NKAIN3: variants seen among roughly 807,000 people sequenced by gnomAD.
NKAIN3 encodes sodium/potassium-transporting ATPase subunit beta-1-interacting protein 3.
A neutral mutation model predicts 30.2 loss-of-function variants in NKAIN3; 25 were observed. The ratio of observed to expected loss-of-function variants is 0.83; its 90% CI spans 0.60 to 1.16. NKAIN3 has a LOEUF of 1.16. Ranked by LOEUF, NKAIN3 falls within the 50% of genes most tolerant of loss-of-function variation. The probability of loss-of-function intolerance (pLI) is 0.00; values close to 1 mark genes in which losing one functional copy is unlikely to be tolerated. For missense variants in NKAIN3, 225 were observed against 254.1 expected (o/e 0.89, Z 0.78); for synonymous variants, 91 against 89.6 (o/e 1.02, Z -0.09).
At chr8:62,799,385 G>A (rs1817980130) in intron 4 of NKAIN3, among the ~76,000 whole-genome samples, 1 of 151,948 alleles carries the variant, frequency 6.6e-6, no homozygotes, top group African/African-American at 2.4e-5. Flanking sequence ...GTAGGCTAAG[G>A]GCATGAATAG....
At chr8:62,310,978 A>T (rs1814408547) in intron 1 of NKAIN3, among the ~76,000 whole-genome samples, 1 of 150,540 alleles carries the variant, frequency 6.6e-6, no homozygotes, top group Non-Finnish European at 1.5e-5. Flanking sequence ...TGAGTCAGGA[A>T]CAAATAGTGC....
At chr8:62,829,818 T>C (rs1014306389) in intron 4 of NKAIN3, among the ~76,000 whole-genome samples, 2 of 152,290 alleles carry the variant, frequency 1.3e-5, no homozygotes, top group Middle Eastern at 3.4e-3. Flanking sequence ...TTTCTTTCTT[T>C]ATGTAAATAC....
intron 3 of NKAIN3, among the ~76,000 whole-genome samples, chr8:62,696,454 G>A (rs544458298): frequency 1.6e-4 from 24 of 152,228 alleles, no homozygotes; most frequent in African/African-American, 5.5e-4. Context: ...CTAATGAGAA[G>A]AGAATAATAC....
At chr8:62,989,163 T>C (rs1375496816), downstream of NKAIN3, among the ~76,000 whole-genome samples, 1 of 152,232 alleles carries the variant, frequency 6.6e-6, no homozygotes, top group Non-Finnish European at 1.5e-5. Context: ...CTTTCTCACA[T>C]CTTCCTTTCT....
chr8:62,755,732 T>G (rs7839173), intron 4 of NKAIN3, among the ~76,000 whole-genome samples: 85,040 of 151,922 alleles, frequency 0.56, 25,149 homozygotes, highest in Non-Finnish European at 0.67. Flanking sequence ...TATTAAAGAT[T>G]TAGACTGACT....
intron 1 of NKAIN3, among the ~76,000 whole-genome samples, chr8:62,417,340 T>C (rs1804479998): frequency 6.6e-6 from 1 of 152,218 alleles, no homozygotes; most frequent in African/African-American, 2.4e-5. Flanking sequence ...CTCCATTGTG[T>C]ATAAGTACCA....
At chr8:62,648,170 C>T (rs1451574039) in intron 3 of NKAIN3, among the ~76,000 whole-genome samples, 1 of 152,118 alleles carries the variant, frequency 6.6e-6, no homozygotes, top group Non-Finnish European at 1.5e-5. Flanking sequence ...GTTGGCAATA[C>T]TTGTGAGCCG....
At chr8:62,254,070 G>T (rs1812191588) in intron 1 of NKAIN3, among the ~76,000 whole-genome samples, 1 of 152,030 alleles carries the variant, frequency 6.6e-6, no homozygotes, top group Admixed American at 6.6e-5. Context: ...GTTATACTGT[G>T]ACTGGTATTG....
chr8:62,476,385 A>C (rs952527949), intron 1 of NKAIN3, among the ~76,000 whole-genome samples: 12 of 150,394 alleles, frequency 8.0e-5, no homozygotes, highest in Admixed American at 6.6e-5. Context: ...AGAATTGTAG[A>C]CCCGTGCACA....
intron 4 of NKAIN3, chr8:62,863,330 C>T (rs1820313034): frequency 1.3e-6 from 2 of 1,548,704 alleles, no homozygotes; most frequent in Non-Finnish European, 1.8e-6. Context: ...GGAATACCTG[C>T]TTTCTGCCCC....
intron 1 of NKAIN3, among the ~76,000 whole-genome samples, chr8:62,363,710 A>C (rs1816635370): frequency 6.6e-6 from 1 of 152,214 alleles, no homozygotes; most frequent in Non-Finnish European, 1.5e-5. Flanking sequence ...GGAGTGACTA[A>C]ACAAAAACTC....
At chr8:62,741,362 A>AAG (rs1815869007) in intron 3 of NKAIN3, among the ~76,000 whole-genome samples, 77 of 138,030 alleles carry the variant, frequency 5.6e-4, no homozygotes, top group African/African-American at 8.8e-4. Flanking sequence ...AGAGAGAGAA[A>AAG]GAAGGAAGGA....
chr8:62,972,861 T>C lies in NKAIN3; in HGVS notation c.*7454T>C, dbSNP rs536866134. ...CCCCAACAGGCCCTGGTGTGTGATG[T>C]TCCCCTCCCTGTGCCCATATGTTCT... is the stretch of plus-strand genomic sequence containing the variant. On this transcript the variant is annotated 3_prime_UTR_variant, in exon 7 of 7. Coordinates refer to ENST00000623646, the MANE Select transcript of NKAIN3 (RefSeq NM_001304533.3). 6.2e-4 allele frequency among the ~76,000 whole-genome samples: 94 copies of C among 151,554 alleles called. 1 individual carries two copies. The highest frequency in any genetic ancestry group is 2.2e-3 in the African/African-American group (92 of 41,138).
intron 1 of NKAIN3, among the ~76,000 whole-genome samples, chr8:62,424,467 C>T (rs1804740209): frequency 6.6e-6 from 1 of 151,510 alleles, no homozygotes. Flanking sequence ...AACAAATAAC[C>T]CACTTAAAAA....
intron 3 of NKAIN3, among the ~76,000 whole-genome samples, chr8:62,660,960 ATTC>A (rs1812926029): frequency 6.6e-6 from 1 of 152,162 alleles, no homozygotes; most frequent in Non-Finnish European, 1.5e-5. Context: ...TCCCCACCTT[ATTC>A]TTCTGTATAG....
At chr8:62,534,094 T>C (rs554637060) in intron 1 of NKAIN3, among the ~76,000 whole-genome samples, 1 of 152,254 alleles carries the variant, frequency 6.6e-6, no homozygotes, top group Non-Finnish European at 1.5e-5. Flanking sequence ...TCTCTCTCTA[T>C]TGTCTGATGA....
intron 1 of NKAIN3, among the ~76,000 whole-genome samples, chr8:62,355,270 C>T (rs1211043408): frequency 6.6e-6 from 1 of 152,196 alleles, no homozygotes; most frequent in African/African-American, 2.4e-5. Flanking sequence ...TTCCTATTTT[C>T]TGGAAATTTG....
intron 1 of NKAIN3, among the ~76,000 whole-genome samples, chr8:62,522,839 G>T (rs561710653): frequency 6.6e-6 from 1 of 152,106 alleles, no homozygotes; most frequent in African/African-American, 2.4e-5. Flanking sequence ...GTTATTGCAA[G>T]AGTCAAAAAG....
chr8:62,454,301 C>CAAAA lies in NKAIN3; in HGVS notation c.55-125219_55-125216dup, dbSNP rs201511724. Among the ~76,000 whole-genome samples the CAAAA allele has an allele frequency of 7.5e-3, 422 of 56,146 alleles. 38 individuals are homozygous for CAAAA. Among genetic ancestry groups the CAAAA allele is most frequent in the Middle Eastern group, 0.031 (3 of 96 alleles). 36.8% of individuals were successfully genotyped at this position (56,146 alleles called of 152,430 possible). On this transcript the variant is annotated intron_variant, in intron 1 of 6. Transcript: ENST00000623646. The stretch of plus-strand genomic sequence containing the variant: ...ACCAACACTAACAATAGCTGATGTG[C>CAAAA]AAAAAAAAAAAAAAAAAAAAAATCT...
Sources: allele counts gnomAD v4.1 joint callset (sites outside exome capture counted in the v4.1 genomes callset), GRCh38; gene constraint gnomAD v4.1.1; transcripts MANE v1.5; gene names NCBI Gene and HGNC (gene_info 2026-07-23, HGNC 2026-07-21).